MAP3K1: variants seen among roughly 807,000 people sequenced by gnomAD.
MAP3K1 encodes mitogen-activated protein kinase kinase kinase 1.
MAP3K1 carries 36 observed loss-of-function variants against 144.2 expected under a neutral mutation model. The ratio of observed to expected loss-of-function variants is 0.25; its 90% CI spans 0.19 to 0.33. MAP3K1 has a LOEUF of 0.33. Ranked by LOEUF, MAP3K1 falls within the 10% of genes least tolerant of loss-of-function variation. The pLI is 1.00. For missense variants in MAP3K1, 1,650 were observed against 1,881.9 expected, an observed-to-expected ratio of 0.88 and a Z score of 2.28; for synonymous variants, 718 against 688.7, an observed-to-expected ratio of 1.04 and a Z score of -0.67.
intron 12 of MAP3K1, 126 bp downstream of exon 12, chr5:56,880,928 C>A: frequency 1.9e-6 from 2 of 1,035,670 alleles, no homozygotes; most frequent in Non-Finnish European, 2.9e-6. Context: ...AATTGATTCA[C>A]TGTGTTACAG....
intron 1 of MAP3K1, among the ~76,000 whole-genome samples, chr5:56,836,815 C>G (rs868424890): frequency 6.6e-6 from 1 of 152,156 alleles, no homozygotes; most frequent in African/African-American, 2.4e-5. Context: ...AGACTGTCAT[C>G]CTAGTAATGC....
chr5:56,853,945 A>C (rs193033708), intron 1 of MAP3K1, among the ~76,000 whole-genome samples: 7 of 152,310 alleles, frequency 4.6e-5, no homozygotes, highest in Non-Finnish European at 8.8e-5. Flanking sequence ...CCCTGGCTGC[A>C]CTGTGAAATC....
chr5:56,854,432 C>CAACAAAA (rs1747271233), intron 1 of MAP3K1, among the ~76,000 whole-genome samples: 1 of 85,324 alleles, frequency 1.2e-5, no homozygotes. Flanking sequence ...AACTCCATCT[C>CAACAAAA]AAAAAAAAAA....
At chr5:56,824,941 A>AT (rs869062131) in intron 1 of MAP3K1, among the ~76,000 whole-genome samples, 1 of 140,786 alleles carries the variant, frequency 7.1e-6, no homozygotes, top group Non-Finnish European at 1.6e-5. Flanking sequence ...TTTAAAAAAA[A>AT]TTTTTATTTT....
At chr5:56,839,480 A>G (rs921055097) in intron 1 of MAP3K1, among the ~76,000 whole-genome samples, 4 of 152,212 alleles carry the variant, frequency 2.6e-5, no homozygotes, top group Non-Finnish European at 5.9e-5. Flanking sequence ...GAAAAAATAC[A>G]TATATAGTGT....
At chr5:56,848,771 T>C (rs563996803) in intron 1 of MAP3K1, among the ~76,000 whole-genome samples, 98 of 152,356 alleles carry the variant, frequency 6.4e-4, no homozygotes, top group Non-Finnish European at 1.2e-3. Context: ...AATGGAGTTA[T>C]TGTGCATGAC....
At position 56,865,251 on chromosome 5, in the gene MAP3K1, A is replaced by C. The variant is rs151328107; in HGVS notation, c.1036-89A>C. On this transcript the variant is annotated intron_variant, in intron 4 of 19. Transcript: ENST00000399503. Reference sequence around the variant, plus strand: ...GAATTAATAGAAACTTTAGTATAAAAAGTTGGAAATATTGTAAAAGTGATA... The same window carrying C: ...GAATTAATAGAAACTTTAGTATAAACAGTTGGAAATATTGTAAAAGTGATA... 7.4e-3 allele frequency: 6,094 copies of C among 818,962 alleles called. 49 individuals carry two copies. The highest frequency in any genetic ancestry group is 0.011 in the Non-Finnish European group (5,164 of 480,370). 50.7% of individuals were successfully genotyped at this position (818,962 alleles called of 1,614,324 possible).
In MAP3K1 at chr5:56,895,456, C is replaced by G. The variant is rs1418327269; in HGVS notation, c.*1776C>G. The G allele has an allele frequency of 8.7e-6, 2 of 229,668 alleles. No individual in the cohort carries two copies. Among genetic ancestry groups the G allele is most frequent in the African/African-American group, 4.5e-5 (2 of 44,738 alleles). 14.2% of individuals were successfully genotyped at this position (229,668 alleles called of 1,614,324 possible). On this transcript the variant is annotated 3_prime_UTR_variant, in exon 20 of 20. Transcript: ENST00000399503. ...ATGTGCAAGCTTTAAAGGATGCACT[C>G]TTGCCATTTTATGTACTGGAAGATC...
intron 1 of MAP3K1, chr5:56,816,959 C>G (rs1458548656): frequency 2.4e-6 from 1 of 422,108 alleles, no homozygotes; most frequent in Non-Finnish European, 3.2e-6. Context: ...GACTGCTCCC[C>G]GCAGCCCCTC....
intron 1 of MAP3K1, among the ~76,000 whole-genome samples, chr5:56,844,717 A>G (rs1746937893): frequency 6.6e-6 from 1 of 152,276 alleles, no homozygotes; most frequent in South Asian, 2.1e-4. Context: ...CTTCTGTGAG[A>G]CAGAATGATT....
intron 1 of MAP3K1, among the ~76,000 whole-genome samples, chr5:56,820,196 C>T (rs532969044): frequency 3.3e-5 from 5 of 152,070 alleles, no homozygotes; most frequent in African/African-American, 1.2e-4. Context: ...ATCATCACTG[C>T]AGCCCCCTAA....
intron 1 of MAP3K1, among the ~76,000 whole-genome samples, chr5:56,822,704 CAG>C (rs1012909238): frequency 3.9e-5 from 6 of 152,116 alleles, no homozygotes; most frequent in African/African-American, 1.4e-4. Context: ...CAAATGATTG[CAG>C]AGTTTATTGT....
chr5:56,892,687 A>G (rs965111108), intron 19 of MAP3K1, among the ~76,000 whole-genome samples: 3 of 152,190 alleles, frequency 2.0e-5, no homozygotes, highest in Admixed American at 1.3e-4. Context: ...CTCACTGAAA[A>G]AAATTATTTT....
In MAP3K1 at chr5:56,859,930, C is replaced by T. The variant is rs1245161979; in HGVS notation, c.834+15C>T. The T allele has an allele frequency of 6.3e-7, 1 of 1,581,074 alleles. No homozygotes were observed. The highest frequency in any genetic ancestry group is 1.7e-5 in the Admixed American group (1 of 58,438). The stretch of plus-strand genomic sequence containing the variant: ...CCCCAGTGCCTGTAAGTTAATGTTA[C>T]AACAAATATGTTAGTTTTTATAATT... On this transcript the variant is annotated intron_variant, in intron 3 of 19. Coordinates refer to ENST00000399503, the MANE Select transcript of MAP3K1 (RefSeq NM_005921.2).
intron 1 of MAP3K1, among the ~76,000 whole-genome samples, chr5:56,841,212 A>AAC (rs1449462505): frequency 6.6e-6 from 1 of 151,970 alleles, no homozygotes; most frequent in Non-Finnish European, 1.5e-5. Context: ...TAAAAAAAAA[A>AAC]AAAACTAGAC....
In MAP3K1 at chr5:56,875,124, G is replaced by T. The variant is rs376713624; in HGVS notation, c.1779G>T (p.Gly593=). The change falls in exon 10 of 20, where the codon GGG becomes GGT. Residue 593 remains glycine (G), a synonymous_variant. Transcript: ENST00000399503. The part of the protein sequence containing the change: ...ALRRLSHDVS[G]ALLLANGEST... ...GGCGTCTTTCCCATGATGTCAGTGG[G>T]GCCCTGCTGTTGGCAAATGGGGAGA... 6.2e-7 allele frequency: 1 copy of T among 1,614,208 alleles called. No individual in the cohort carries two copies. The highest frequency in any genetic ancestry group is 8.5e-7 in the Non-Finnish European group (1 of 1,180,042).
rs141033875 is a variant in MAP3K1, at chr5:56,860,883, T to G, written c.834+968T>G. On this transcript the variant is annotated intron_variant, in intron 3 of 19. Coordinates refer to ENST00000399503, the MANE Select transcript of MAP3K1 (RefSeq NM_005921.2). ...AAAAAAGAAAAAAAGAAAAGCAACT[T>G]AAGTATTTTTTCACTAGTGTTAAAA... 5.1e-4 allele frequency among the ~76,000 whole-genome samples: 78 copies of G among 151,950 alleles called. No individual in the cohort carries two copies. In the East Asian group the frequency reaches 0.014, roughly 28 times the overall value.
In MAP3K1 at chr5:56,894,299, GT is replaced by G. The variant is rs1748639796; in HGVS notation, c.*623del. ...ATTCATTTCGTTTTTGGAAATTATG[GT>G]TTTGTATTTTCATGTTTATTTACAT... On this transcript the variant is annotated 3_prime_UTR_variant, in exon 20 of 20. Coordinates refer to ENST00000399503, the MANE Select transcript of MAP3K1 (RefSeq NM_005921.2). 4.3e-6 allele frequency: 1 copy of G among 232,100 alleles called. No individual in the cohort carries two copies. Among genetic ancestry groups the G allele is most frequent in the African/African-American group, 2.2e-5 (1 of 45,106 alleles). 14.4% of individuals were successfully genotyped at this position (232,100 alleles called of 1,614,324 possible). A position where few individuals can be genotyped will look rare whatever the true frequency, so the allele number is the denominator to read the frequency against.
rs571517312 is a variant in MAP3K1 at position 56,828,696 on chromosome 5, TAG to T, written c.482+12642_482+12643del. Reference sequence around the variant, plus strand: ...TGTTTGTGTTTAGCAAATACTACCTTAGGGGGCAGTTTTTAAAGTAACTTTAA... The same window carrying T: ...TGTTTGTGTTTAGCAAATACTACCTTGGGGCAGTTTTTAAAGTAACTTTAA... On this transcript the variant is annotated intron_variant, in intron 1 of 19. Coordinates refer to ENST00000399503, the MANE Select transcript of MAP3K1 (RefSeq NM_005921.2). 1.6e-3 allele frequency among the ~76,000 whole-genome samples: 237 copies of T among 152,248 alleles called. 1 individual carries two copies. The highest frequency in any genetic ancestry group is 2.6e-3 in the Non-Finnish European group (180 of 67,994).
Sources: gnomAD v4.1 joint callset for allele counts (sites outside exome capture counted in the v4.1 genomes callset) on GRCh38, gnomAD v4.1.1 for gene constraint, MANE v1.5 for transcripts, NCBI Gene and HGNC (gene_info 2026-07-23, HGNC 2026-07-21) for gene names.